The following FAM174C variants were observed in gnomAD, a reference collection of about 807,000 sequenced individuals.
The protein encoded by FAM174C is family with sequence similarity 174 member C, also known as protein FAM174C.
FAM174C carries 19 observed loss-of-function variants against 12.3 expected under a neutral mutation model. The observed-to-expected ratio is 1.55, with a 90% CI of 1.08 to 2.27. FAM174C has a LOEUF of 2.27. Among genes scored for constraint, FAM174C ranks in the 30% most tolerant of loss-of-function variants. The pLI is 0.00. For synonymous variants in FAM174C, 147 were observed against 103.5 expected, an observed-to-expected ratio of 1.42 and a Z score of -2.55; for missense variants, 239 against 190.2, an observed-to-expected ratio of 1.26 and a Z score of -1.51.
intron 2 of FAM174C, chr19:1,277,741 TG>T (rs1407997926): frequency 1.3e-5 from 2 of 157,424 alleles, no homozygotes; most frequent in Non-Finnish European, 2.8e-5. Flanking sequence ...CCCAAAGAGC[TG>T]GGATTACAGG....
chr19:1,275,919 C>CCTCT (rs2081411582), intron 1 of FAM174C, 89 bp downstream of exon 1: 1 of 777,402 alleles, frequency 1.3e-6, no homozygotes, highest in African/African-American at 2.0e-5. Context: ...GGGGTCCTCC[C>CCTCT]CTCCCTCCCT....
intron 2 of FAM174C, 87 bp from the exon 3 acceptor site, chr19:1,278,690 C>T: frequency 6.3e-7 from 1 of 1,575,922 alleles, no homozygotes; most frequent in East Asian, 2.4e-5. Context: ...GGACAGGCTG[C>T]CTGCCCCTGC....
chr19:1,276,982 A>C (rs1271234846), intron 1 of FAM174C: 1 of 777,796 alleles, frequency 1.3e-6, no homozygotes, highest in Non-Finnish European at 1.9e-6. Flanking sequence ...GGTAGGGCAC[A>C]TGTCTTCTTA....
Position 1,275,665 on chromosome 19 carries a change from T to TGTC in FAM174C, c.118_120dup (p.Ser40dup). On this transcript the variant is annotated inframe_insertion, in exon 1 of 3. Coordinates refer to ENST00000409293, the MANE Select transcript of FAM174C (RefSeq NM_017914.4). The stretch of plus-strand genomic sequence containing the variant: ...CCGCTGCGCCCCGCGCAGGTCACGT[T>TGTC]GTCGCCGCCGCCGGCCGTGACGAAC... The TGTC allele has an allele frequency of 7.0e-7, 1 of 1,431,420 alleles. No individual in the cohort carries two copies. Among genetic ancestry groups the TGTC allele is most frequent in the Non-Finnish European group, 9.0e-7 (1 of 1,105,308 alleles). 88.7% of individuals were successfully genotyped at this position (1,431,420 alleles called of 1,614,324 possible).
At position 1,278,796 on chromosome 19, in the gene FAM174C, GC is replaced by G; in HGVS notation, c.*22del. 6 of 1,612,870 alleles carry G rather than the reference GC, an allele frequency of 3.7e-6. No individual in the cohort carries two copies. Among genetic ancestry groups the G allele is most frequent in the Non-Finnish European group, 5.1e-6 (6 of 1,179,874 alleles). On this transcript the variant is annotated 3_prime_UTR_variant, in exon 3 of 3. Transcript: ENST00000409293. ...TTTCAGATGCTGAGCCAGGGAGGCG[GC>G]CCTTCCAGCAGCCATGAGGGAAGGA... is the stretch of plus-strand genomic sequence containing the variant.
chr19:1,275,565 C>G lies in FAM174C; in HGVS notation c.16C>G (p.Leu6Val), dbSNP rs1015291668. 87 of 1,220,382 alleles carry G rather than the reference C, an allele frequency of 7.1e-5. 1 individual carries two copies. In the Middle Eastern group the frequency reaches 9.7e-4, roughly 14 times the overall value. The allele number at this position is 1,220,382 out of a possible 1,614,324, so 75.6% of individuals were successfully genotyped here. Residue 6 changes from leucine to valine, a missense_variant, in exon 1 of 3, where the codon CTG (leucine) becomes GTG (valine). Physicochemically the swap from Leu to Val is conservative, Grantham distance 32. Transcript: ENST00000409293. The stretch of plus-strand genomic sequence containing the variant: ...CCGCCGGGCCATGGGGCCGCGCGTG[C>G]TGCAGCCGCCGCTGCTGCTGCTCCT... MGPRVLQPPLLLLLLA... is the reference protein window; with the variant it reads MGPRVVQPPLLLLLLA...
Position 1,275,542 on chromosome 19 carries a change from G to T in FAM174C, c.-8G>T, listed in dbSNP as rs1343117193. 5.9e-6 allele frequency: 7 copies of T among 1,189,976 alleles called. No homozygotes were observed. The East Asian group carries it at 2.4e-4, about 42-fold the overall frequency. The allele number at this position is 1,189,976 out of a possible 1,614,324, so 73.7% of individuals were successfully genotyped here. A position where few individuals can be genotyped will look rare whatever the true frequency, so the allele number is the denominator to read the frequency against. ...GGGGCGGGGCGCCGCCACCGCTTCC[G>T]CCGGGCCATGGGGCCGCGCGTGCTG... On this transcript the variant is annotated 5_prime_UTR_variant, in exon 1 of 3. Transcript: ENST00000409293.
Position 1,277,256 on chromosome 19 carries a change from G to C in FAM174C, c.355G>C (p.Asp119His), listed in dbSNP as rs1246560473. Residue 119 changes from aspartate (D) to histidine (H), a missense_variant, in exon 2 of 3, where the codon GAC becomes CAC. Physicochemically the swap from Asp to His is moderately conservative, Grantham distance 81 (BLOSUM62 -1). Coordinates refer to ENST00000409293, the MANE Select transcript of FAM174C (RefSeq NM_017914.4). Reference protein sequence around the residue: ...TEDPTEMASLDSDEETVFESR... With the variant: ...TEDPTEMASLHSDEETVFESR... Reference sequence around the variant, plus strand: ...GGACCCCACGGAGATGGCCTCGCTGGACAGCGACGAGGAGACGGTGTTTGA... The same window carrying C: ...GGACCCCACGGAGATGGCCTCGCTGCACAGCGACGAGGAGACGGTGTTTGA... 60 of 1,549,424 alleles carry C rather than the reference G, an allele frequency of 3.9e-5. No homozygotes were observed. In the East Asian group the frequency reaches 1.5e-3, roughly 38 times the overall value.
Position 1,275,767 on chromosome 19 carries a change from C to T in FAM174C, c.218C>T (p.Ser73Phe), listed in dbSNP as rs1568846204. ...GCGTCGGGCTCGGCGCTGACGCGCT[C>T]CTTCTACGTGATCCTGGGCTTCTGC... ...PGASGSALTRSFYVILGFCGL... is the reference protein window; with the variant it reads ...PGASGSALTRFFYVILGFCGL... Residue 73 changes from serine (S) to phenylalanine (F), a missense_variant, in exon 1 of 3, where the codon TCC becomes TTC. Ser to Phe is a radical substitution (Grantham distance 155, BLOSUM62 -2). Coordinates refer to ENST00000409293, the MANE Select transcript of FAM174C (RefSeq NM_017914.4). 2.6e-6 allele frequency: 4 copies of T among 1,539,684 alleles called. No individual in the cohort carries two copies. The highest frequency in any genetic ancestry group is 2.0e-5 in the Admixed American group (1 of 50,950).
At chr19:1,278,426 G>C (rs1005174904) in intron 2 of FAM174C, among the ~76,000 whole-genome samples, 5 of 152,108 alleles carry the variant, frequency 3.3e-5, no homozygotes, top group Non-Finnish European at 5.9e-5. Flanking sequence ...CCTGTTGGGG[G>C]GTGGCAGGCA....
At position 1,275,669 on chromosome 19, in the gene FAM174C, G is replaced by A. The variant is rs1038044980; in HGVS notation, c.120G>A (p.Ser40=). The A allele has an allele frequency of 2.9e-5, 42 of 1,434,446 alleles. No individual in the cohort carries two copies. The African/African-American group carries it at 4.7e-4, about 16-fold the overall frequency. 88.9% of individuals were successfully genotyped at this position (1,434,446 alleles called of 1,614,324 possible). The change falls in exon 1 of 3, where the codon TCG becomes TCA. Residue 40 remains serine, a synonymous_variant. Coordinates refer to ENST00000409293, the MANE Select transcript of FAM174C (RefSeq NM_017914.4). ...TGCGCCCCGCGCAGGTCACGTTGTC[G>A]CCGCCGCCGGCCGTGACGAACGGGA... is the stretch of plus-strand genomic sequence containing the variant. The part of the protein sequence containing the change: ...SPLRPAQVTL[S]PPPAVTNGSQ...
chr19:1,275,724 C>G lies in FAM174C; in HGVS notation c.175C>G (p.His59Asp). The stretch of plus-strand genomic sequence containing the variant: ...GCCGGGCGCGCCACACAACAGCACG[C>G]ACACGCGTCCGCCGGGGGCGTCGGG... Reference protein sequence around the residue: ...SQPGAPHNSTHTRPPGASGSA... With the variant: ...SQPGAPHNSTDTRPPGASGSA... The change falls in exon 1 of 3, where the codon CAC (histidine) becomes GAC (aspartate). Residue 59 changes from histidine to aspartate, a missense_variant. Coordinates refer to ENST00000409293, the MANE Select transcript of FAM174C (RefSeq NM_017914.4). 1 of 1,533,150 alleles carries G rather than the reference C, an allele frequency of 6.5e-7. No homozygotes were observed. Among genetic ancestry groups the G allele is most frequent in the Non-Finnish European group, 8.7e-7 (1 of 1,144,048 alleles). The allele number at this position is 1,533,150 out of a possible 1,614,324, so 95.0% of individuals were successfully genotyped here.
intron 1 of FAM174C, chr19:1,276,878 C>G (rs2081417983): frequency 4.9e-6 from 1 of 205,072 alleles, no homozygotes; most frequent in Admixed American, 5.8e-5. Flanking sequence ...CAAAGTCTCA[C>G]CCCTGTGTGA....
In FAM174C at chr19:1,277,182, G is replaced by T. The variant is rs777728540; in HGVS notation, c.282-1G>T. On this transcript the variant is annotated splice_acceptor_variant, in intron 1 of 2. Coordinates refer to ENST00000409293, the MANE Select transcript of FAM174C (RefSeq NM_017914.4). LOFTEE classifies it high-confidence loss of function. ...CTGACTATGCCTGGACCTACTTCCA[G>T]GTTGAAGAAGCCTCAGCGGAGGCGA... The T allele has an allele frequency of 3.9e-5, 60 of 1,537,826 alleles. No homozygotes were observed. Among genetic ancestry groups the T allele is most frequent in the Admixed American group, 2.0e-4 (10 of 50,790 alleles).
rs771888481 is a variant in FAM174C at position 1,279,083 on chromosome 19, G to T, written c.*306G>T. The T allele has an allele frequency of 8.1e-6, 13 of 1,612,552 alleles. No individual in the cohort carries two copies. In the South Asian group the frequency reaches 1.2e-4, roughly 15 times the overall value. On this transcript the variant is annotated 3_prime_UTR_variant, in exon 3 of 3. Coordinates refer to ENST00000409293, the MANE Select transcript of FAM174C (RefSeq NM_017914.4). ...CCGCCCAGGACGCTGAGGCTCCCTTGCCTGACTGTGACTTGTGCCTCTCTC... is the reference window on the plus strand; with the variant it reads ...CCGCCCAGGACGCTGAGGCTCCCTTTCCTGACTGTGACTTGTGCCTCTCTC...
chr19:1,275,983 C>T lies in FAM174C; in HGVS notation c.281+153C>T, dbSNP rs556155034. On this transcript the variant is annotated intron_variant, in intron 1 of 2. Coordinates refer to ENST00000409293, the MANE Select transcript of FAM174C (RefSeq NM_017914.4). ...GGGCGTGGGCGGTGCTGTGCGGGGT[C>T]GTCACGTGGTGTGGGCGGTGCAGGG... 4.4e-4 allele frequency: 324 copies of T among 737,386 alleles called. 2 individuals carry two copies. In the African/African-American group the frequency reaches 4.7e-3, roughly 11 times the overall value. The allele number at this position is 737,386 out of a possible 1,614,324, so 45.7% of individuals were successfully genotyped here.
At chr19:1,278,110 G>A (rs2081423311) in intron 2 of FAM174C, among the ~76,000 whole-genome samples, 1 of 152,274 alleles carries the variant, frequency 6.6e-6, no homozygotes, top group African/African-American at 2.4e-5. Context: ...CGGCTGCAGG[G>A]CTTAGGGTAG....
chr19:1,278,890 G>C lies in FAM174C; in HGVS notation c.*113G>C, dbSNP rs139509970. ...CACCGCTCATTCCCCTGCTGGCCCC[G>C]GGGCTGGTCTCACCCAGTGCCAACC... On this transcript the variant is annotated 3_prime_UTR_variant, in exon 3 of 3. Transcript: ENST00000409293. 1 of 1,612,914 alleles carries C rather than the reference G, an allele frequency of 6.2e-7. No homozygotes were observed.
At position 1,277,213 on chromosome 19, in the gene FAM174C, C is replaced by T. The variant is rs2081419470; in HGVS notation, c.312C>T (p.Gly104=). The stretch of plus-strand genomic sequence containing the variant: ...AGAAGCCTCAGCGGAGGCGATACGG[C>T]CTCCTCGCCAACACTGAGGACCCCA... ...RLKKPQRRRY[G]LLANTEDPTE... is the part of the protein sequence containing the mutation. Residue 104 remains glycine (G), a synonymous_variant, in exon 2 of 3, where the codon GGC becomes GGT. Transcript: ENST00000409293. The T allele has an allele frequency of 1.3e-6, 2 of 1,547,380 alleles. No homozygotes were observed. Among genetic ancestry groups the T allele is most frequent in the Non-Finnish European group, 1.7e-6 (2 of 1,144,116 alleles).
Sources: allele counts gnomAD v4.1 joint callset (sites outside exome capture counted in the v4.1 genomes callset), GRCh38; gene constraint gnomAD v4.1.1; transcripts MANE v1.5; gene names NCBI Gene and HGNC (gene_info 2026-07-23, HGNC 2026-07-21).